The following KALRN variants were observed in gnomAD, a reference collection of about 807,000 sequenced individuals.
The protein encoded by KALRN is kalirin RhoGEF kinase.
KALRN carries 70 observed loss-of-function variants against 353.7 expected under a neutral mutation model. The ratio of observed to expected loss-of-function variants is 0.20; its 90% CI spans 0.16 to 0.24. The LOEUF is 0.24. Ranked by LOEUF, KALRN falls within the 10% of genes least tolerant of loss-of-function variation. KALRN has a pLI of 1.00. For missense variants in KALRN, 2,791 were observed against 3,756.7 expected (o/e 0.74, Z 6.72); for synonymous variants, 1,391 against 1,434.8 (o/e 0.97, Z 0.69).
intron 1 of KALRN, among the ~76,000 whole-genome samples, chr3:124,073,905 C>T (rs962101773): frequency 1.3e-5 from 2 of 152,116 alleles, no homozygotes; most frequent in East Asian, 3.9e-4. Flanking sequence ...AGGCACTGAT[C>T]TCAAGCCCAG....
chr3:124,429,579 A>G (rs1702739957), intron 15 of KALRN, among the ~76,000 whole-genome samples: 1 of 152,238 alleles, frequency 6.6e-6, no homozygotes, highest in South Asian at 2.1e-4. Flanking sequence ...ACCAGACACC[A>G]GGTAGGTTTT....
chr3:124,471,256 T>TTTG (rs377604411), intron 25 of KALRN, among the ~76,000 whole-genome samples: 5 of 138,824 alleles, frequency 3.6e-5, no homozygotes, highest in Non-Finnish European at 7.7e-5. Flanking sequence ...CCCACAAAGT[T>TTTG]TTATTATTAT....
chr3:124,154,934 C>T (rs2068750982), intron 1 of KALRN, among the ~76,000 whole-genome samples: 1 of 152,114 alleles, frequency 6.6e-6, no homozygotes, highest in African/African-American at 2.4e-5. Flanking sequence ...TGGAACAGAA[C>T]AGACGTCAGA....
intron 34 of KALRN, among the ~76,000 whole-genome samples, chr3:124,631,998 C>G (rs2080837913): frequency 6.6e-6 from 1 of 152,218 alleles, no homozygotes; most frequent in Non-Finnish European, 1.5e-5. Context: ...TGAGACTGGC[C>G]CTGATCACCT....
At chr3:124,142,922 C>T (rs999631751) in intron 1 of KALRN, among the ~76,000 whole-genome samples, 16 of 152,230 alleles carry the variant, frequency 1.1e-4, no homozygotes, top group Admixed American at 9.8e-4. Flanking sequence ...TGCTATCACC[C>T]CACAAATGCC....
At chr3:124,109,419 T>C (rs903414265) in intron 1 of KALRN, among the ~76,000 whole-genome samples, 1 of 152,098 alleles carries the variant, frequency 6.6e-6, no homozygotes. Context: ...TATTTTTTAG[T>C]GCTAAAATCC....
At chr3:124,300,053 A>G (rs1283367517) in intron 6 of KALRN, among the ~76,000 whole-genome samples, 2 of 152,200 alleles carry the variant, frequency 1.3e-5, no homozygotes, top group Non-Finnish European at 2.9e-5. Flanking sequence ...AAGTGTTAGA[A>G]AAACAGAAAC....
In KALRN at chr3:124,660,934, A is replaced by T. The variant is rs199799341; in HGVS notation, c.6228A>T (p.Arg2076Ser). ...CCCCTACTTGTTAGGACTTCCTGAG[A>T]TACAGTGAGAAGGCTGGTTTGGAGT... ...KYQLLLKDFL[R>S]YSEKAGLECS... Residue 2076 changes from arginine (R) to serine (S), a missense_variant, in exon 44 of 60, where the codon AGA (arginine) becomes AGT (serine). Transcript: ENST00000682506. The T allele has an allele frequency of 4.5e-5, 72 of 1,610,586 alleles. No individual in the cohort carries two copies. In the African/African-American group the frequency reaches 9.1e-4, roughly 20 times the overall value.
rs1363730934 is a variant in KALRN at position 124,401,286 on chromosome 3, C to T, written c.2346+2415C>T. On this transcript the variant is annotated intron_variant, in intron 13 of 59. Transcript: ENST00000682506. ...TTGGGAGGCTGAGGCTGGCAGATCA[C>T]TTGAACTCAGGAGCTCAAGACCAGC... Among the ~76,000 whole-genome samples the T allele has an allele frequency of 3.9e-5, 6 of 152,170 alleles. No individual in the cohort carries two copies. In the East Asian group the frequency reaches 1.2e-3, roughly 29 times the overall value.
intron 34 of KALRN, among the ~76,000 whole-genome samples, chr3:124,607,506 TC>T (rs2077472109): frequency 6.6e-6 from 1 of 152,228 alleles, no homozygotes; most frequent in Non-Finnish European, 1.5e-5. Flanking sequence ...TTATGAAATT[TC>T]ATGAGCATGT....
chr3:124,113,307 A>C (rs980859034), intron 1 of KALRN, among the ~76,000 whole-genome samples: 2 of 152,210 alleles, frequency 1.3e-5, no homozygotes, highest in African/African-American at 4.8e-5. Context: ...TAAAGGCTCA[A>C]TAAGTGTTAG....
At chr3:124,303,131 G>A (rs1229967993) in intron 6 of KALRN, among the ~76,000 whole-genome samples, 1 of 151,890 alleles carries the variant, frequency 6.6e-6, no homozygotes, top group Non-Finnish European at 1.5e-5. Context: ...ACCAGGAGAG[G>A]CCATCAATTA....
chr3:124,610,305 A>G (rs1238944652), intron 34 of KALRN, among the ~76,000 whole-genome samples: 2 of 152,230 alleles, frequency 1.3e-5, no homozygotes, highest in African/African-American at 2.4e-5. Context: ...CAGTTCCCCA[A>G]GAGGATGGGG....
chr3:124,412,481 C>CACACAAGTGGAAT (rs2092247071), intron 13 of KALRN, among the ~76,000 whole-genome samples: 1 of 152,176 alleles, frequency 6.6e-6, no homozygotes, highest in Non-Finnish European at 1.5e-5. Flanking sequence ...CTGAAAATCA[C>CACACAAGTGGAAT]TTTTAAAAAC....
chr3:124,642,251 T>G (rs116153464), intron 37 of KALRN, among the ~76,000 whole-genome samples: 1 of 151,398 alleles, frequency 6.6e-6, no homozygotes, highest in Non-Finnish European at 1.5e-5. Context: ...GCCACTGCAC[T>G]CCAGCCTGGG....
intron 5 of KALRN, among the ~76,000 whole-genome samples, chr3:124,286,915 A>G (rs1440398372): frequency 2.6e-5 from 4 of 152,188 alleles, no homozygotes; most frequent in African/African-American, 9.7e-5. Context: ...ATTGTAGATG[A>G]TACACTGTAG....
At chr3:124,268,148 T>C (rs2073778123) in intron 4 of KALRN, among the ~76,000 whole-genome samples, 1 of 152,124 alleles carries the variant, frequency 6.6e-6, no homozygotes, top group East Asian at 1.9e-4. Context: ...CATTCTCCAG[T>C]CCGCTCTCCA....
chr3:124,671,981 G>A, intron 48 of KALRN, 83 bp downstream of exon 48: 1 of 1,066,198 alleles, frequency 9.4e-7, no homozygotes, highest in East Asian at 2.4e-5. Flanking sequence ...AGGAGTCTCG[G>A]TCTGTCATCC....
chr3:124,138,510 G>A (rs190387663), intron 1 of KALRN, among the ~76,000 whole-genome samples: 1 of 152,170 alleles, frequency 6.6e-6, no homozygotes, highest in Non-Finnish European at 1.5e-5. Context: ...GCAGATCAAA[G>A]AGCAAATCTC....
Sources: gnomAD v4.1 joint callset for allele counts (sites outside exome capture counted in the v4.1 genomes callset) on GRCh38, gnomAD v4.1.1 for gene constraint, MANE v1.5 for transcripts, NCBI Gene and HGNC (gene_info 2026-07-23, HGNC 2026-07-21) for gene names.